ASTN2: variants seen among roughly 807,000 people sequenced by gnomAD.
The protein encoded by ASTN2 is astrotactin-2.
ASTN2 carries 54 observed loss-of-function variants against 139.8 expected under a neutral mutation model. That is an observed-to-expected ratio of 0.39 (90% CI 0.31 to 0.48). The LOEUF (loss-of-function observed/expected upper bound fraction) is 0.48. Among genes scored for constraint, ASTN2 ranks in the 20% least tolerant of loss-of-function variants. The pLI, the probability that ASTN2 is intolerant of heterozygous loss-of-function variation, is 0.95. For synonymous variants in ASTN2, 756 were observed against 719.5 expected, an observed-to-expected ratio of 1.05 and a Z score of -0.81; for missense variants, 1,565 against 1,725.1, an observed-to-expected ratio of 0.91 and a Z score of 1.64.
intron 10 of ASTN2, among the ~76,000 whole-genome samples, chr9:116,952,599 C>T (rs1389050958): frequency 2.0e-5 from 3 of 152,118 alleles, no homozygotes; most frequent in Non-Finnish European, 4.4e-5. Context: ...ACATGGGCAG[C>T]GTGACATGCA....
chr9:116,791,045 AAAG>A (rs1256251458), intron 13 of ASTN2, among the ~76,000 whole-genome samples: 12 of 149,254 alleles, frequency 8.0e-5, no homozygotes, highest in African/African-American at 2.5e-4. Flanking sequence ...GAAAGAAAGA[AAAG>A]AAAAGAAAGA....
chr9:116,570,626 T>C (rs1853466817), intron 19 of ASTN2, among the ~76,000 whole-genome samples: 1 of 152,208 alleles, frequency 6.6e-6, no homozygotes, highest in Non-Finnish European at 1.5e-5. Context: ...CTTGATCTCC[T>C]GACCTCGTGA....
chr9:117,186,177 T>C (rs1831192031), intron 3 of ASTN2, among the ~76,000 whole-genome samples: 2 of 152,200 alleles, frequency 1.3e-5, no homozygotes, highest in African/African-American at 4.8e-5. Flanking sequence ...GAAAATTTTA[T>C]GCGTAATTAT....
intron 20 of ASTN2, 93 bp from the exon 21 acceptor site, chr9:116,442,646 G>T: frequency 2.1e-6 from 2 of 969,988 alleles, no homozygotes; most frequent in South Asian, 1.3e-5. Flanking sequence ...GGCACATGAG[G>T]CTACAGGAAA....
At chr9:117,165,028 G>A (rs1362554586) in intron 3 of ASTN2, among the ~76,000 whole-genome samples, 3 of 151,954 alleles carry the variant, frequency 2.0e-5, no homozygotes, top group African/African-American at 7.2e-5. Flanking sequence ...GTGTAGGGTA[G>A]ATGAAGTATT....
chr9:116,817,226 G>A (rs532170022), intron 12 of ASTN2, among the ~76,000 whole-genome samples: 3 of 151,876 alleles, frequency 2.0e-5, no homozygotes, highest in African/African-American at 7.2e-5. Context: ...CCCAGGAGGC[G>A]GAGGTTGCAG....
chr9:117,265,340 C>CA (rs1363772306), intron 2 of ASTN2, among the ~76,000 whole-genome samples: 2 of 152,110 alleles, frequency 1.3e-5, no homozygotes, highest in Non-Finnish European at 2.9e-5. Context: ...ACTGGAGTGG[C>CA]AAGGGAGGTG....
At chr9:116,868,743 A>G (rs904125710) in intron 10 of ASTN2, among the ~76,000 whole-genome samples, 2 of 152,240 alleles carry the variant, frequency 1.3e-5, no homozygotes, top group African/African-American at 4.8e-5. Context: ...CAGTAGGCTC[A>G]AGGAGAGAAT....
intron 16 of ASTN2, among the ~76,000 whole-genome samples, chr9:116,703,272 GTCT>G (rs1229278885): frequency 6.6e-6 from 1 of 150,668 alleles, no homozygotes; most frequent in Non-Finnish European, 1.5e-5. Context: ...CTGCATAAAT[GTCT>G]TCTTTTGAGA....
intron 19 of ASTN2, among the ~76,000 whole-genome samples, chr9:116,525,301 C>T (rs1252263639): frequency 6.6e-6 from 1 of 152,160 alleles, no homozygotes; most frequent in Non-Finnish European, 1.5e-5. Flanking sequence ...AAGAGGTGAC[C>T]TGACTTTTTG....
intron 16 of ASTN2, among the ~76,000 whole-genome samples, chr9:116,717,313 T>C (rs1828339181): frequency 6.6e-6 from 1 of 152,178 alleles, no homozygotes; most frequent in Non-Finnish European, 1.5e-5. Context: ...TTTTTGGTAA[T>C]TTCATCTTGT....
chr9:116,618,111 A>T lies in ASTN2; in HGVS notation c.3355+213T>A, dbSNP rs147115009. On this transcript the variant is annotated intron_variant, in intron 19 of 22. Transcript: ENST00000313400. Reference sequence around the variant, plus strand: ...ATATTTTGAAGGTCCAACTCAGAGAATCAGACACTCTTTCTAACTGCAACT... The same window carrying T: ...ATATTTTGAAGGTCCAACTCAGAGATTCAGACACTCTTTCTAACTGCAACT... Among the ~76,000 whole-genome samples the T allele has an allele frequency of 5.8e-3, 882 of 152,268 alleles. 10 individuals are homozygous for T. The highest frequency in any genetic ancestry group is 0.02 in the African/African-American group (840 of 41,544).
At position 117,142,834 on chromosome 9, in the gene ASTN2, T is replaced by G. The variant is rs192801725; in HGVS notation, c.1016-1356A>C. Among the ~76,000 whole-genome samples, 211 of 152,282 alleles carry G rather than the reference T, an allele frequency of 1.4e-3. 1 individual carries two copies. The highest frequency in any genetic ancestry group is 4.7e-3 in the African/African-American group (197 of 41,566). On this transcript the variant is annotated intron_variant, in intron 3 of 22. Transcript: ENST00000313400. The stretch of plus-strand genomic sequence containing the variant: ...GAAATTCCCAAAGACAGCCCTGACT[T>G]TGAAATCTTCAAACTCATCCCTCCC...
chr9:116,547,583 C>T (rs1852153633), intron 19 of ASTN2: 1 of 152,196 alleles, frequency 6.6e-6, no homozygotes, highest in Admixed American at 6.5e-5. Flanking sequence ...ATCCTACTTC[C>T]TTATCTGTGA....
At chr9:117,054,039 A>C (rs1838988815) in intron 5 of ASTN2, among the ~76,000 whole-genome samples, 1 of 152,106 alleles carries the variant, frequency 6.6e-6, no homozygotes, top group Admixed American at 6.5e-5. Context: ...AAGAAAAAAA[A>C]AAAACAAAAG....
At chr9:116,647,704 C>A (rs1394822165) in intron 17 of ASTN2, among the ~76,000 whole-genome samples, 1 of 152,190 alleles carries the variant, frequency 6.6e-6, no homozygotes, top group Non-Finnish European at 1.5e-5. Flanking sequence ...AGCGAGTTCA[C>A]AGAGCAGTAA....
At chr9:116,768,941 A>G (rs1829885521) in intron 13 of ASTN2, among the ~76,000 whole-genome samples, 1 of 152,238 alleles carries the variant, frequency 6.6e-6, no homozygotes. Flanking sequence ...CTAAATGGGT[A>G]AGTTTGGGAC....
Position 117,088,944 on chromosome 9 carries a change from G to C in ASTN2, c.1276+7100C>G, listed in dbSNP as rs150219158. ...TCTCCTGCTCAGCATTGTGCCCAGG[G>C]CTGGGCAAACCACCTGCACTTCTCA... On this transcript the variant is annotated intron_variant, in intron 5 of 22. Coordinates refer to ENST00000313400, the MANE Select transcript of ASTN2 (RefSeq NM_001365068.1). Among the ~76,000 whole-genome samples the C allele has an allele frequency of 5.6e-4, 85 of 152,282 alleles. 1 individual carries two copies. In the East Asian group the frequency reaches 0.015, roughly 26 times the overall value.
chr9:116,429,395 G>C (rs1302914246), intron 22 of ASTN2, among the ~76,000 whole-genome samples: 1 of 146,648 alleles, frequency 6.8e-6, no homozygotes, highest in Non-Finnish European at 1.5e-5. Context: ...GGTGTTAACT[G>C]TTTCCCACTG....
Sources: gnomAD v4.1 joint callset for allele counts (sites outside exome capture counted in the v4.1 genomes callset) on GRCh38, gnomAD v4.1.1 for gene constraint, MANE v1.5 for transcripts, NCBI Gene and HGNC (gene_info 2026-07-23, HGNC 2026-07-21) for gene names.